Variants in PDE4D observed in about 807,000 individuals in gnomAD.
PDE4D encodes the protein phosphodiesterase 4D, also known as 3',5'-cyclic-AMP phosphodiesterase 4D.
PDE4D carries 24 observed loss-of-function variants against 87.4 expected under a neutral mutation model. That is an observed-to-expected ratio of 0.27 (90% confidence interval 0.20 to 0.39). The LOEUF (loss-of-function observed/expected upper bound fraction) is 0.39. Ranked by LOEUF, PDE4D falls within the 10% of genes least tolerant of loss-of-function variation. The pLI, the probability that PDE4D is intolerant of heterozygous loss-of-function variation, is 1.00. For synonymous variants in PDE4D, 384 were observed against 383.2 expected (o/e 1.00, Z -0.02); for missense variants, 714 against 1,041.0 (o/e 0.69, Z 4.32).
chr5:60,495,700 T>C (rs1749777887), intron 1 of PDE4D, among the ~76,000 whole-genome samples: 1 of 152,194 alleles, frequency 6.6e-6, no homozygotes, highest in South Asian at 2.1e-4. Context: ...CAGGAGTTGT[T>C]TTAGTGCAGG....
chr5:60,334,333 C>A (rs1043502391), intron 1 of PDE4D, among the ~76,000 whole-genome samples: 1 of 152,174 alleles, frequency 6.6e-6, no homozygotes, highest in African/African-American at 2.4e-5. Context: ...CCAATGGACC[C>A]ACCTAATAAT....
chr5:60,435,648 G>A (rs1019059600), intron 1 of PDE4D, among the ~76,000 whole-genome samples: 2 of 151,292 alleles, frequency 1.3e-5, no homozygotes, highest in Non-Finnish European at 2.9e-5. Context: ...GAATAAATGA[G>A]AGAATTATTT....
chr5:60,135,946 CATT>C (rs1780001129), intron 2 of PDE4D, among the ~76,000 whole-genome samples: 2 of 152,174 alleles, frequency 1.3e-5, no homozygotes, highest in African/African-American at 2.4e-5. Context: ...TCATAATAAT[CATT>C]AATGTTCTAA....
At chr5:59,008,869 TACAAC>T (rs1201415058) in intron 6 of PDE4D, among the ~76,000 whole-genome samples, 2 of 152,096 alleles carry the variant, frequency 1.3e-5, no homozygotes, top group East Asian at 3.8e-4. Context: ...AAAAAATCTT[TACAAC>T]ACAATAAGAG....
intron 1 of PDE4D, among the ~76,000 whole-genome samples, chr5:60,432,288 TTCC>T (rs1744408151): frequency 1.3e-5 from 2 of 152,062 alleles, no homozygotes; most frequent in African/African-American, 2.4e-5. Flanking sequence ...TAGGGAAGAG[TTCC>T]TCCTCCTCAA....
chr5:59,561,833 G>A (rs1438606635), intron 1 of PDE4D, among the ~76,000 whole-genome samples: 2 of 151,952 alleles, frequency 1.3e-5, no homozygotes, highest in African/African-American at 4.8e-5. Flanking sequence ...TTGGGAGGCT[G>A]AGGCCGGAGA....
chr5:59,591,939 T>C (rs1217358544), intron 1 of PDE4D, among the ~76,000 whole-genome samples: 1 of 152,276 alleles, frequency 6.6e-6, no homozygotes, highest in African/African-American at 2.4e-5. Context: ...TTTTTACCAA[T>C]AAAAAATAAA....
At chr5:59,456,598 A>T (rs1417892027) in intron 1 of PDE4D, among the ~76,000 whole-genome samples, 1 of 152,232 alleles carries the variant, frequency 6.6e-6, no homozygotes, top group Non-Finnish European at 1.5e-5. Context: ...AGAGTATTTC[A>T]AGTCTTATTA....
At chr5:59,414,114 G>A (rs1173908830) in intron 1 of PDE4D, among the ~76,000 whole-genome samples, 12 of 152,204 alleles carry the variant, frequency 7.9e-5, no homozygotes, top group Non-Finnish European at 1.5e-5. Context: ...TCCTATGACT[G>A]TACTGAAAGT....
At chr5:60,476,749 C>G (rs554727469) in intron 1 of PDE4D, among the ~76,000 whole-genome samples, 12 of 152,292 alleles carry the variant, frequency 7.9e-5, no homozygotes, top group Admixed American at 2.6e-4. Context: ...ATGGCTCACT[C>G]CCTCACTTCA....
chr5:60,400,129 T>C (rs769359303), intron 1 of PDE4D, among the ~76,000 whole-genome samples: 1 of 152,202 alleles, frequency 6.6e-6, no homozygotes, highest in Non-Finnish European at 1.5e-5. Context: ...ATTTCATGAC[T>C]GCATCACAAA....
At chr5:60,300,148 G>A (rs960183195) in intron 1 of PDE4D, among the ~76,000 whole-genome samples, 3 of 152,044 alleles carry the variant, frequency 2.0e-5, no homozygotes, top group African/African-American at 7.2e-5. Context: ...CTCTAATGAC[G>A]TGATGCTGAG....
chr5:59,403,166 CAGACAGACAGAT>C (rs150357344), intron 1 of PDE4D, among the ~76,000 whole-genome samples: 37,085 of 138,010 alleles, frequency 0.27, 4,756 homozygotes, highest in East Asian at 0.39. Context: ...GACAGACAGA[CAGACAGACAGAT>C]AGATAGATAG....
chr5:59,119,432 G>C (rs1367123212), intron 5 of PDE4D, among the ~76,000 whole-genome samples: 1 of 152,184 alleles, frequency 6.6e-6, no homozygotes, highest in Non-Finnish European at 1.5e-5. Flanking sequence ...TATTTAGTGA[G>C]CTCAGGCAAA....
chr5:59,884,251 A>T (rs1749852766), intron 1 of PDE4D, among the ~76,000 whole-genome samples: 1 of 151,424 alleles, frequency 6.6e-6, no homozygotes, highest in Admixed American at 6.6e-5. Flanking sequence ...TCTCTCTCTC[A>T]CTCTACATAT....
intron 1 of PDE4D, among the ~76,000 whole-genome samples, chr5:59,390,191 C>G (rs1408218642): frequency 6.6e-6 from 1 of 152,020 alleles, no homozygotes; most frequent in East Asian, 1.9e-4. Context: ...AGAAGAAATT[C>G]TATTTTTGCA....
At chr5:59,489,276 CA>C (rs1043991627) in intron 1 of PDE4D, among the ~76,000 whole-genome samples, 3 of 137,978 alleles carry the variant, frequency 2.2e-5, no homozygotes, top group Admixed American at 7.2e-5. Flanking sequence ...AAAAAAAAAA[CA>C]AAAAAAACAA....
chr5:60,466,857 C>T (rs1055275768), intron 1 of PDE4D, among the ~76,000 whole-genome samples: 15 of 151,888 alleles, frequency 9.9e-5, no homozygotes, highest in African/African-American at 3.6e-4. Flanking sequence ...TTCTTCCAGT[C>T]TTCTTAAACT....
chr5:58,990,450 C>A (rs1498611), intron 9 of PDE4D, among the ~76,000 whole-genome samples: 88,872 of 152,028 alleles, frequency 0.58, 26,144 homozygotes, highest in Middle Eastern at 0.69. Flanking sequence ...AGGTTAGTAG[C>A]CAGCAGGGGC....
Sources: gnomAD v4.1 joint callset for allele counts (sites outside exome capture counted in the v4.1 genomes callset) on GRCh38, gnomAD v4.1.1 for gene constraint, MANE v1.5 for transcripts, NCBI Gene and HGNC (gene_info 2026-07-23, HGNC 2026-07-21) for gene names.